FTO: variants seen among roughly 807,000 people sequenced by gnomAD.
FTO encodes alpha-ketoglutarate-dependent dioxygenase FTO.
In FTO, 47 loss-of-function variants were observed where a neutral mutation model predicts 63.9. That is an observed-to-expected ratio of 0.74 (90% CI 0.58 to 0.94). The LOEUF (loss-of-function observed/expected upper bound fraction) is 0.94, where lower values mean the gene tolerates loss of function less well. FTO is among the 40% of genes least tolerant of loss of function. The pLI is 0.00. For synonymous variants in FTO, 207 were observed against 224.4 expected, an observed-to-expected ratio of 0.92 and a Z score of 0.69; for missense variants, 562 against 618.1, an observed-to-expected ratio of 0.91 and a Z score of 0.96.
At chr16:54,074,914 G>GT (rs2085954307) in intron 8 of FTO, among the ~76,000 whole-genome samples, 1 of 119,046 alleles carries the variant, frequency 8.4e-6, no homozygotes, top group Non-Finnish European at 1.8e-5. Flanking sequence ...GAGAGAGAGA[G>GT]AGAGTGTGTG....
intron 8 of FTO, among the ~76,000 whole-genome samples, chr16:54,037,682 G>A (rs2084972699): frequency 6.6e-6 from 1 of 152,014 alleles, no homozygotes; most frequent in Non-Finnish European, 1.5e-5. Context: ...TTTAATAGGT[G>A]GTTTAAATTT....
intron 7 of FTO, among the ~76,000 whole-genome samples, chr16:53,892,760 C>T (rs745645536): frequency 3.3e-5 from 5 of 152,106 alleles, no homozygotes; most frequent in Non-Finnish European, 7.3e-5. Flanking sequence ...CCTTTATCGG[C>T]CCTCGTACCA....
rs1157258160 is a variant in FTO, at chr16:54,114,154, C to G, written c.*2239C>G. 1 of 152,196 alleles carries G rather than the reference C, an allele frequency of 6.6e-6. No individual in the cohort carries two copies. The highest frequency in any genetic ancestry group is 2.4e-5 in the African/African-American group (1 of 41,450). 9.4% of individuals were successfully genotyped at this position (152,196 alleles called of 1,614,324 possible). ...CAGAACACCCAATAGTCCTAGGCCCCCATCCTCGCATGGCAGCAAGCTAAA... is the reference window on the plus strand; with the variant it reads ...CAGAACACCCAATAGTCCTAGGCCCGCATCCTCGCATGGCAGCAAGCTAAA... On this transcript the variant is annotated 3_prime_UTR_variant, in exon 9 of 9. Coordinates refer to ENST00000471389, the MANE Select transcript of FTO (RefSeq NM_001080432.3).
At chr16:53,778,216 G>C (rs570706256) in intron 1 of FTO, among the ~76,000 whole-genome samples, 11 of 152,224 alleles carry the variant, frequency 7.2e-5, no homozygotes, top group Non-Finnish European at 1.2e-4. Flanking sequence ...GCTCACTATA[G>C]TTAATAATAA....
intron 8 of FTO, among the ~76,000 whole-genome samples, chr16:53,976,965 C>T (rs2083448908): frequency 6.6e-6 from 1 of 152,106 alleles, no homozygotes; most frequent in African/African-American, 2.4e-5. Flanking sequence ...TTGCCTTTCT[C>T]TCTCCAATGT....
intron 6 of FTO, among the ~76,000 whole-genome samples, chr16:53,885,574 G>C (rs7184895): frequency 6.6e-6 from 1 of 152,008 alleles, no homozygotes; most frequent in Non-Finnish European, 1.5e-5. Context: ...TCAGAAAATT[G>C]GTAAGATTGT....
intron 3 of FTO, among the ~76,000 whole-genome samples, chr16:53,833,011 A>G (rs1364117417): frequency 1.3e-5 from 2 of 152,204 alleles, no homozygotes; most frequent in Non-Finnish European, 2.9e-5. Flanking sequence ...CTTGAATTGT[A>G]TCTCCCAGAA....
intron 6 of FTO, among the ~76,000 whole-genome samples, chr16:53,883,762 A>G (rs2080925074): frequency 6.6e-6 from 1 of 151,864 alleles, no homozygotes; most frequent in Non-Finnish European, 1.5e-5. Flanking sequence ...GAATAGAGAG[A>G]TTGATCTTGA....
At chr16:53,704,040 C>CA, upstream of FTO, 6 of 875,396 alleles carry the variant, frequency 6.9e-6, no homozygotes, top group Non-Finnish European at 1.1e-5. Flanking sequence ...CGCCGCGGTG[C>CA]ATCCTGGGAG....
In FTO at chr16:53,803,561, T is replaced by A. The variant is rs191819052; in HGVS notation, c.46-6579T>A. ...TAATTAAAAACTTTTAAAAAAATGT[T>A]GTGTATGTTGTTTTTCAGTTAAAAA... On this transcript the variant is annotated intron_variant, in intron 1 of 8. Coordinates refer to ENST00000471389, the MANE Select transcript of FTO (RefSeq NM_001080432.3). 1.6e-4 allele frequency among the ~76,000 whole-genome samples: 24 copies of A among 152,318 alleles called. No individual in the cohort carries two copies. In the East Asian group the frequency reaches 4.6e-3, roughly 29 times the overall value.
At chr16:53,996,546 T>A (rs1179522930) in intron 8 of FTO, among the ~76,000 whole-genome samples, 1 of 152,196 alleles carries the variant, frequency 6.6e-6, no homozygotes, top group Non-Finnish European at 1.5e-5. Flanking sequence ...TGGAGCCTAG[T>A]AAGGGAGACT....
At chr16:54,011,377 A>C (rs560353475) in intron 8 of FTO, among the ~76,000 whole-genome samples, 1 of 152,246 alleles carries the variant, frequency 6.6e-6, no homozygotes, top group Non-Finnish European at 1.5e-5. Flanking sequence ...GAGAGGGCCC[A>C]GCCATAGATT....
chr16:53,983,903 T>C (rs1383007316), intron 8 of FTO, among the ~76,000 whole-genome samples: 1 of 152,218 alleles, frequency 6.6e-6, no homozygotes, highest in African/African-American at 2.4e-5. Flanking sequence ...ATAAAAATTT[T>C]GACAACTAAT....
chr16:53,936,910 T>C (rs547939453), intron 8 of FTO, among the ~76,000 whole-genome samples: 2 of 152,356 alleles, frequency 1.3e-5, no homozygotes, highest in Admixed American at 1.3e-4. Flanking sequence ...TTTACCTCTC[T>C]TTAGCAGGTT....
chr16:53,974,742 G>A lies in FTO; in HGVS notation c.1364+40633G>A, dbSNP rs116239876. 3.5e-3 allele frequency among the ~76,000 whole-genome samples: 529 copies of A among 152,222 alleles called. 6 individuals carry two copies. The highest frequency in any genetic ancestry group is 0.012 in the African/African-American group (511 of 41,496). ...CAGCCTGTATTGGATGGTGATAAATGGATTATCTTAAATGTCATTCTGCAC... is the reference window on the plus strand; with the variant it reads ...CAGCCTGTATTGGATGGTGATAAATAGATTATCTTAAATGTCATTCTGCAC... On this transcript the variant is annotated intron_variant, in intron 8 of 8. Transcript: ENST00000471389.
intron 1 of FTO, among the ~76,000 whole-genome samples, chr16:53,750,095 A>G (rs1029327460): frequency 6.6e-6 from 1 of 152,338 alleles, no homozygotes; most frequent in South Asian, 2.1e-4. Flanking sequence ...TGAGGCTATC[A>G]TAACTGATAT....
chr16:53,776,413 C>A (rs780503088), intron 1 of FTO, among the ~76,000 whole-genome samples: 1 of 152,134 alleles, frequency 6.6e-6, no homozygotes, highest in Non-Finnish European at 1.5e-5. Flanking sequence ...CTTCTTTCTG[C>A]TTTTTGTGTG....
intron 2 of FTO, among the ~76,000 whole-genome samples, chr16:53,824,110 A>ATT (rs2078941512): frequency 6.6e-6 from 1 of 152,204 alleles, no homozygotes; most frequent in Non-Finnish European, 1.5e-5. Context: ...TATAACTAAG[A>ATT]GCGATTGTAT....
intron 2 of FTO, among the ~76,000 whole-genome samples, chr16:53,812,558 C>A (rs1158133405): frequency 2.0e-5 from 3 of 152,122 alleles, no homozygotes; most frequent in African/African-American, 7.2e-5. Flanking sequence ...TGCTGGCTTC[C>A]CTTATCCTCT....
Sources: allele counts gnomAD v4.1 joint callset (sites outside exome capture counted in the v4.1 genomes callset), GRCh38; gene constraint gnomAD v4.1.1; transcripts MANE v1.5; gene names NCBI Gene and HGNC (gene_info 2026-07-23, HGNC 2026-07-21).